The following FOXP2 variants were observed in gnomAD, a reference collection of about 807,000 sequenced individuals.
FOXP2 encodes the protein forkhead box P2, also known as forkhead box protein P2.
A neutral mutation model predicts 115.8 loss-of-function variants in FOXP2; 12 were observed. The observed-to-expected ratio is 0.10, with a 90% CI of 0.07 to 0.17. The LOEUF (loss-of-function observed/expected upper bound fraction) is 0.17. Among genes scored for constraint, FOXP2 ranks in the 10% least tolerant of loss-of-function variants. The pLI is 1.00. For missense variants in FOXP2, 629 were observed against 843.5 expected (o/e 0.75, Z 3.15); for synonymous variants, 328 against 297.7 (o/e 1.10, Z -1.05).
rs750736305 is a variant in FOXP2, at chr7:114,426,548, A to G, written c.37A>G (p.Ser13Gly). 49 of 1,611,282 alleles carry G rather than the reference A, an allele frequency of 3.0e-5. No individual in the cohort carries two copies. The highest frequency in any genetic ancestry group is 4.1e-5 in the Non-Finnish European group (48 of 1,178,224). The stretch of plus-strand genomic sequence containing the variant: ...ATCTGCGACAGAGACAATAAGCAAC[A>G]GTTCAATGAATCAAAATGGAATGAG... ...QESATETISN[S>G]SMNQNGMSTL... The change falls in exon 2 of 17, where the codon AGT becomes GGT. Residue 13 changes from serine (S) to glycine (G), a missense_variant. Transcript: ENST00000350908.
intron 3 of FOXP2, among the ~76,000 whole-genome samples, chr7:114,543,074 C>A (rs559050950): frequency 1.3e-5 from 2 of 152,106 alleles, no homozygotes; most frequent in East Asian, 3.9e-4. Flanking sequence ...AGCCACCATA[C>A]CCGGCCTGTT....
chr7:114,628,744 C>A, intron 4 of FOXP2, 67 bp downstream of exon 4: 1 of 1,593,226 alleles, frequency 6.3e-7, no homozygotes. Context: ...TTTGAAAGTG[C>A]AGTGGGCATA....
In FOXP2 at chr7:114,247,231, A is replaced by G. The variant is rs967925899; in HGVS notation, c.-101-40788A>G. On this transcript the variant is annotated intron_variant, in intron 1 of 17. Coordinates refer to the FOXP2 transcript ENST00000634411. Reference sequence around the variant, plus strand: ...TGTTCTTATTATACGTTCTTTATCTATGAATATATTCCAGAAATTTGCAAA... The same window carrying G: ...TGTTCTTATTATACGTTCTTTATCTGTGAATATATTCCAGAAATTTGCAAA... Among the ~76,000 whole-genome samples, 3 of 152,158 alleles carry G rather than the reference A, an allele frequency of 2.0e-5. 1 individual carries two copies. The highest frequency in any genetic ancestry group is 2.0e-4 in the Admixed American group (3 of 15,268).
At chr7:114,583,431 A>G (rs1419499614) in intron 3 of FOXP2, among the ~76,000 whole-genome samples, 4 of 151,692 alleles carry the variant, frequency 2.6e-5, no homozygotes, top group Non-Finnish European at 5.9e-5. Flanking sequence ...TTCACTGCAT[A>G]TTTGTCATTT....
rs369144435 is a variant in FOXP2 at position 114,117,653 on chromosome 7, G to T, written c.-247+29815G>T. Among the ~76,000 whole-genome samples, 30 of 152,204 alleles carry T rather than the reference G, an allele frequency of 2.0e-4. No homozygotes were observed. In the East Asian group the frequency reaches 2.9e-3, roughly 15 times the overall value. ...GAAATTAAAGCCTTGATAAATTAAG[G>T]TATTTTAAGCAATGTTTATTAGTCC... On this transcript the variant is annotated intron_variant, in intron 1 of 19. Coordinates refer to the FOXP2 transcript ENST00000635638.
chr7:114,338,260 G>T (rs896005109), intron 2 of FOXP2, among the ~76,000 whole-genome samples: 7 of 150,852 alleles, frequency 4.6e-5, no homozygotes, highest in African/African-American at 1.7e-4. Flanking sequence ...AAATTTTGTA[G>T]ATTACTTAGT....
intron 1 of FOXP2, chr7:114,088,217 C>G (rs1799465123): frequency 6.6e-6 from 1 of 151,620 alleles, no homozygotes; most frequent in Non-Finnish European, 1.5e-5. Context: ...CTGGAGTACT[C>G]TTCGCTCCCT....
intron 1 of FOXP2, among the ~76,000 whole-genome samples, chr7:114,281,095 A>ATTTTTTTT (rs71157578): frequency 6.5e-5 from 6 of 92,878 alleles, no homozygotes; most frequent in Admixed American, 1.6e-4. Context: ...TGCAATTTGA[A>ATTTTTTTT]TTTTTTTTTT....
At position 114,415,507 on chromosome 7, in the gene FOXP2, C is replaced by T. The variant is rs546020826; in HGVS notation, c.-11+147C>T. The stretch of plus-strand genomic sequence containing the variant: ...ATTGAAATGAACTAGAGCATTGTAT[C>T]TGTTTGCGAGGGAAAAGCCGGGAGA... On this transcript the variant is annotated intron_variant, in intron 1 of 16. Transcript: ENST00000350908. 1.4e-5 allele frequency: 5 copies of T among 354,172 alleles called. No homozygotes were observed. In the East Asian group the frequency reaches 3.7e-4, roughly 26 times the overall value. 21.9% of individuals were successfully genotyped at this position (354,172 alleles called of 1,614,324 possible). A position where few individuals can be genotyped will look rare whatever the true frequency, so the allele number is the denominator to read the frequency against.
intron 3 of FOXP2, among the ~76,000 whole-genome samples, chr7:114,595,858 A>G (rs964549406): frequency 6.6e-6 from 1 of 152,040 alleles, no homozygotes; most frequent in African/African-American, 2.4e-5. Flanking sequence ...GTCGGGGGAA[A>G]TGTCCCCAAA....
At chr7:114,139,755 T>C (rs1792152566) in intron 1 of FOXP2, among the ~76,000 whole-genome samples, 1 of 152,204 alleles carries the variant, frequency 6.6e-6, no homozygotes, top group Admixed American at 6.5e-5. Context: ...ATTTTAATTT[T>C]GTTGGCTTTC....
chr7:114,398,552 A>G (rs537971314), intron 2 of FOXP2, among the ~76,000 whole-genome samples: 2 of 152,358 alleles, frequency 1.3e-5, no homozygotes, highest in Admixed American at 6.5e-5. Context: ...TGAAGAAAAC[A>G]TTTAAATTCG....
intron 2 of FOXP2, among the ~76,000 whole-genome samples, chr7:114,362,363 G>A (rs950967067): frequency 1.3e-5 from 2 of 152,070 alleles, no homozygotes; most frequent in Non-Finnish European, 2.9e-5. Context: ...CCGGTTCTAA[G>A]TCCTTTCTTC....
At chr7:114,124,432 G>A (rs1220435954) in intron 1 of FOXP2, among the ~76,000 whole-genome samples, 1 of 151,688 alleles carries the variant, frequency 6.6e-6, no homozygotes, top group Non-Finnish European at 1.5e-5. Flanking sequence ...TTCTTTTTTG[G>A]GAGGTTGATG....
chr7:114,592,910 C>T (rs1372498601), intron 3 of FOXP2, among the ~76,000 whole-genome samples: 2 of 151,844 alleles, frequency 1.3e-5, no homozygotes, highest in East Asian at 1.9e-4. Flanking sequence ...CTTTGTGAGT[C>T]GAATGATAAA....
chr7:114,300,047 C>T (rs79274564), intron 2 of FOXP2, among the ~76,000 whole-genome samples: 6,145 of 151,772 alleles, frequency 0.04, 307 homozygotes, highest in African/African-American at 0.12. Flanking sequence ...CACACACACA[C>T]GTACACACAC....
intron 6 of FOXP2, among the ~76,000 whole-genome samples, chr7:114,634,602 A>G (rs1805111801): frequency 6.6e-6 from 1 of 151,996 alleles, no homozygotes; most frequent in South Asian, 2.1e-4. Flanking sequence ...GTTTGTATAC[A>G]GACAGATGAT....
At chr7:114,281,504 C>T (rs147126378) in intron 1 of FOXP2, among the ~76,000 whole-genome samples, 3 of 152,142 alleles carry the variant, frequency 2.0e-5, no homozygotes, top group Admixed American at 2.0e-4. Flanking sequence ...GAGTAAAATC[C>T]AAGAAGGCAG....
intron 3 of FOXP2, among the ~76,000 whole-genome samples, chr7:114,627,861 A>G (rs1804679264): frequency 6.6e-6 from 1 of 152,102 alleles, no homozygotes. Flanking sequence ...AAGCTAGAAT[A>G]CTAGTTATAT....
Sources: gnomAD v4.1 joint callset for allele counts (sites outside exome capture counted in the v4.1 genomes callset) on GRCh38, gnomAD v4.1.1 for gene constraint, MANE v1.5 for transcripts, NCBI Gene and HGNC (gene_info 2026-07-23, HGNC 2026-07-21) for gene names.